Variants in CELF2 observed in about 807,000 individuals in gnomAD.
The protein encoded by CELF2 is CUG triplet repeat RNA-binding protein 2.
In CELF2, 8 loss-of-function variants were observed where a neutral mutation model predicts 62.6. That is an observed-to-expected ratio of 0.13 (90% CI 0.07 to 0.23). CELF2 has a LOEUF of 0.23. Among genes scored for constraint, CELF2 ranks in the 10% least tolerant of loss-of-function variants. The pLI is 1.00. For synonymous variants in CELF2, 258 were observed against 250.0 expected, an observed-to-expected ratio of 1.03 and a Z score of -0.30; for missense variants, 333 against 671.0, an observed-to-expected ratio of 0.50 and a Z score of 5.56.
At chr10:10,544,077 C>A in the CELF2 span, among the ~76,000 whole-genome samples, 1 of 152,272 alleles carries the variant, frequency 6.6e-6, no homozygotes, top group East Asian at 1.9e-4. Flanking sequence ...GAGTAGAACA[C>A]GGATTTAGAG....
At chr10:10,580,478 C>A in the CELF2 span, among the ~76,000 whole-genome samples, 1 of 152,072 alleles carries the variant, frequency 6.6e-6, no homozygotes, top group Non-Finnish European at 1.5e-5. Context: ...CTGTTCGCAC[C>A]CTTAAATGTT....
chr10:10,958,858 A>C (rs2049174544), intron 2 of CELF2, among the ~76,000 whole-genome samples: 1 of 152,098 alleles, frequency 6.6e-6, no homozygotes, highest in Non-Finnish European at 1.5e-5. Context: ...AAAAAAGAAA[A>C]AGAAAACAAA....
At position 11,314,582 on chromosome 10, in the gene CELF2, G is replaced by GGC; in HGVS notation, c.1096+325_1096+326dup. Reference sequence around the variant, plus strand: ...GGTTTCGGTCGGTTCTGTCCTGCGAGGCAGGGTGTTACGGTGGGAAAAGTT... The same window carrying GGC: ...GGTTTCGGTCGGTTCTGTCCTGCGAGGCGCAGGGTGTTACGGTGGGAAAAGTT... On this transcript the variant is annotated intron_variant, in intron 10 of 12. Coordinates refer to ENST00000633077, the MANE Select transcript of CELF2 (RefSeq NM_001326342.2). The surrounding 1 kb of genome is among the most constrained non-coding windows in gnomAD (Gnocchi z 5.3). The GGC allele has an allele frequency of 2.6e-6, 1 of 389,102 alleles. No individual in the cohort carries two copies. The highest frequency in any genetic ancestry group is 4.9e-6 in the Non-Finnish European group (1 of 202,754). The allele number at this position is 389,102 out of a possible 1,614,324, so 24.1% of individuals were successfully genotyped here. A position where few individuals can be genotyped will look rare whatever the true frequency, so the allele number is the denominator to read the frequency against.
rs747446001 is a variant in CELF2, at chr10:11,257,629, C to T, written c.404-109C>T. Reference sequence around the variant, plus strand: ...CGTCTGCAGAGTTGGCCTTGGGACACGTGCTTGGTCTCACATGGCTGGGGC... The same window carrying T: ...CGTCTGCAGAGTTGGCCTTGGGACATGTGCTTGGTCTCACATGGCTGGGGC... On this transcript the variant is annotated intron_variant, in intron 4 of 12. Transcript: ENST00000633077. 1.0e-5 allele frequency: 13 copies of T among 1,281,092 alleles called. No homozygotes were observed. The African/African-American group carries it at 1.2e-4, about 12-fold the overall frequency. 79.4% of individuals were successfully genotyped at this position (1,281,092 alleles called of 1,614,324 possible).
chr10:10,927,351 A>AAAAACAAC (rs1554884928), intron 2 of CELF2: 5 of 137,650 alleles, frequency 3.6e-5, no homozygotes, highest in East Asian at 2.3e-4. Context: ...GACATTAAAA[A>AAAAACAAC]AAAAAAAAAA....
chr10:10,701,638 T>C, the CELF2 span, among the ~76,000 whole-genome samples: 1 of 152,222 alleles, frequency 6.6e-6, no homozygotes, highest in African/African-American at 2.4e-5. Context: ...TTGTTGTTGT[T>C]GTTTTTCAAA....
intron 1 of CELF2, among the ~76,000 whole-genome samples, chr10:11,037,908 A>C (rs543447208): frequency 6.6e-6 from 1 of 152,326 alleles, no homozygotes; most frequent in African/African-American, 2.4e-5. Context: ...TATAGGTTGA[A>C]TTAATGAGCA....
chr10:10,642,100 G>C, the CELF2 span, among the ~76,000 whole-genome samples: 1 of 152,190 alleles, frequency 6.6e-6, no homozygotes, highest in Non-Finnish European at 1.5e-5. Flanking sequence ...CATCATGGGG[G>C]AAAGGAAGAC....
At chr10:10,793,640 G>A (rs529816568), upstream of CELF2, among the ~76,000 whole-genome samples, 3 of 152,268 alleles carry the variant, frequency 2.0e-5, no homozygotes, top group South Asian at 2.1e-4. Flanking sequence ...CGAGAAGACC[G>A]TATGGAATTC....
chr10:10,985,843 G>A (rs906093352), intron 2 of CELF2, among the ~76,000 whole-genome samples: 6 of 152,164 alleles, frequency 3.9e-5, no homozygotes, highest in Non-Finnish European at 8.8e-5. Context: ...CAGCCACACC[G>A]ATGATGACCC....
chr10:10,728,503 CAG>C, the CELF2 span, among the ~76,000 whole-genome samples: 1 of 138,536 alleles, frequency 7.2e-6, no homozygotes, highest in African/African-American at 2.7e-5. Context: ...AGCAAAGAAA[CAG>C]GGGCAGGAAA....
the CELF2 span, among the ~76,000 whole-genome samples, chr10:10,527,729 T>G: frequency 1.3e-5 from 2 of 152,198 alleles, no homozygotes; most frequent in African/African-American, 4.8e-5. Flanking sequence ...CAGTTCTTTA[T>G]GCGGAAGAAA....
chr10:10,824,027 AAGAG>A (rs752972144), intron 1 of CELF2, among the ~76,000 whole-genome samples: 4 of 150,686 alleles, frequency 2.7e-5, no homozygotes, highest in Admixed American at 2.0e-4. Flanking sequence ...GATGATAGAT[AAGAG>A]AGAGAGAGAG....
chr10:10,656,763 C>G, the CELF2 span, among the ~76,000 whole-genome samples: 36,366 of 108,696 alleles, frequency 0.33, 6,309 homozygotes, highest in South Asian at 0.54. Flanking sequence ...GGAGATATAC[C>G]TAATGCTAGA....
At chr10:10,824,379 C>A (rs1564674305) in intron 1 of CELF2, among the ~76,000 whole-genome samples, 1 of 152,126 alleles carries the variant, frequency 6.6e-6, no homozygotes, top group Non-Finnish European at 1.5e-5. Context: ...GTACCTCTCA[C>A]CTCTCAGTTT....
Position 11,260,734 on chromosome 10 carries a change from A to G in CELF2, c.538+2862A>G, listed in dbSNP as rs2080274726. On this transcript the variant is annotated intron_variant, in intron 5 of 12. Coordinates refer to ENST00000633077, the MANE Select transcript of CELF2 (RefSeq NM_001326342.2). The surrounding 1 kb of genome is among the most constrained non-coding windows in gnomAD (Gnocchi z 4.2). ...TTGCAAAAAAAGAAAAATAAGAAAG[A>G]AAGAAAATACTCATTTATAACCATT... is the stretch of plus-strand genomic sequence containing the variant. 3.3e-5 allele frequency among the ~76,000 whole-genome samples: 5 copies of G among 152,282 alleles called. No homozygotes were observed. In the South Asian group the frequency reaches 1.0e-3, roughly 32 times the overall value.
At chr10:10,573,097 A>G in the CELF2 span, among the ~76,000 whole-genome samples, 1 of 152,112 alleles carries the variant, frequency 6.6e-6, no homozygotes, top group Non-Finnish European at 1.5e-5. Context: ...AATTTCTCTA[A>G]TAATCAGTGT....
chr10:11,326,370 C>T (rs1477263837), intron 12 of CELF2, among the ~76,000 whole-genome samples: 3 of 152,232 alleles, frequency 2.0e-5, no homozygotes, highest in African/African-American at 7.2e-5. Flanking sequence ...TCATCAGCAC[C>T]AACACATCCA....
At chr10:10,908,628 G>A (rs1193076472) in intron 1 of CELF2, among the ~76,000 whole-genome samples, 1 of 152,082 alleles carries the variant, frequency 6.6e-6, no homozygotes, top group East Asian at 1.9e-4. Context: ...CCATTGTTCA[G>A]AAAATTAAAA....
Sources: allele counts gnomAD v4.1 joint callset (sites outside exome capture counted in the v4.1 genomes callset), GRCh38; gene constraint gnomAD v4.1.1; non-coding constraint Gnocchi (gnomAD v3.1); transcripts MANE v1.5; gene names NCBI Gene and HGNC (gene_info 2026-07-23, HGNC 2026-07-21).